SLC23A2: variants seen among roughly 807,000 people sequenced by gnomAD.
The protein encoded by SLC23A2 is solute carrier family 23 member 2.
SLC23A2 carries 36 observed loss-of-function variants against 73.3 expected under a neutral mutation model. The observed-to-expected ratio is 0.49, with a 90% confidence interval of 0.38 to 0.65. The LOEUF is 0.65. Ranked by LOEUF, SLC23A2 falls within the 30% of genes least tolerant of loss-of-function variation. The probability of loss-of-function intolerance (pLI) is 0.00; values close to 1 mark genes in which losing one functional copy is unlikely to be tolerated. For missense variants in SLC23A2, 507 were observed against 841.6 expected (o/e 0.60, Z 4.92); for synonymous variants, 343 against 327.3 (o/e 1.05, Z -0.52).
intron 6 of SLC23A2, among the ~76,000 whole-genome samples, chr20:4,897,302 T>G (rs1316996904): frequency 6.6e-6 from 1 of 152,166 alleles, no homozygotes; most frequent in Non-Finnish European, 1.5e-5. Context: ...CAGCACACAG[T>G]TGCTGACGTG....
At chr20:4,996,361 C>T (rs2088020162) in intron 1 of SLC23A2, among the ~76,000 whole-genome samples, 1 of 152,064 alleles carries the variant, frequency 6.6e-6, no homozygotes. Flanking sequence ...CCCGAGCCAT[C>T]AGCTGCTTTG....
In SLC23A2 at chr20:4,997,824, C is replaced by T. The variant is rs1331891821; in HGVS notation, c.-282+3582G>A. On this transcript the variant is annotated intron_variant, in intron 1 of 16. Transcript: ENST00000338244. ...TTTATTTTATTTTATTTTGTAGAGA[C>T]AGAGTCTTATTATGTTGCCTAGACT... Among the ~76,000 whole-genome samples the T allele has an allele frequency of 2.7e-5, 4 of 146,836 alleles. No homozygotes were observed. In the East Asian group the frequency reaches 8.0e-4, roughly 29 times the overall value.
At chr20:5,000,465 G>A (rs916941277) in intron 1 of SLC23A2, among the ~76,000 whole-genome samples, 3 of 152,054 alleles carry the variant, frequency 2.0e-5, no homozygotes, top group Admixed American at 6.6e-5. Context: ...GGCCTTCTCT[G>A]CGCGCAGATG....
chr20:4,867,896 G>A, intron 12 of SLC23A2, 21 bp from the exon 13 acceptor site: 3 of 1,378,424 alleles, frequency 2.2e-6, no homozygotes, highest in Non-Finnish European at 3.1e-6. Context: ...AAGGAATGGA[G>A]GAAAGAAAAT....
chr20:4,926,849 C>A (rs913233961), intron 3 of SLC23A2, among the ~76,000 whole-genome samples: 1 of 152,048 alleles, frequency 6.6e-6, no homozygotes, highest in African/African-American at 2.4e-5. Flanking sequence ...TCATCCAACA[C>A]AGGATGCCTA....
chr20:4,899,823 A>G lies in SLC23A2; in HGVS notation c.325-111T>C. On this transcript the variant is annotated intron_variant, in intron 5 of 16. Coordinates refer to ENST00000338244, the MANE Select transcript of SLC23A2 (RefSeq NM_005116.6). The surrounding 1 kb of genome is among the most constrained non-coding windows in gnomAD (Gnocchi z 4.9). ...TCGTTAAAAAATAGCCCACATAAAG[A>G]ATCTCCTTGGTTTTTCGACCAAGCC... 10 of 1,115,590 alleles carry G rather than the reference A, an allele frequency of 9.0e-6. No individual in the cohort carries two copies. Among genetic ancestry groups the G allele is most frequent in the Non-Finnish European group, 1.3e-5 (10 of 778,220 alleles). The allele number at this position is 1,115,590 out of a possible 1,614,324, so 69.1% of individuals were successfully genotyped here.
intron 2 of SLC23A2, among the ~76,000 whole-genome samples, chr20:4,955,464 T>C (rs7260796): frequency 0.044 from 6,613 of 151,490 alleles, 447 homozygotes; most frequent in African/African-American, 0.15. Flanking sequence ...TTCCCATACA[T>C]GAGCACTAAC....
intron 1 of SLC23A2, among the ~76,000 whole-genome samples, chr20:4,972,218 T>C (rs1039126820): frequency 3.3e-5 from 5 of 152,324 alleles, no homozygotes; most frequent in Admixed American, 3.3e-4. Context: ...AAAATCCTTA[T>C]GTTGAGACAT....
At chr20:4,910,118 A>G (rs2086703728) in intron 4 of SLC23A2, among the ~76,000 whole-genome samples, 1 of 151,930 alleles carries the variant, frequency 6.6e-6, no homozygotes, top group East Asian at 2.0e-4. Context: ...CACGCCTGTA[A>G]TCTGAGCACT....
chr20:4,988,297 C>T (rs1450667870), intron 1 of SLC23A2, among the ~76,000 whole-genome samples: 1 of 151,916 alleles, frequency 6.6e-6, no homozygotes, highest in Admixed American at 6.6e-5. Context: ...AGCAAAACTC[C>T]ACCTCAAAAA....
chr20:4,922,610 T>C (rs1932532796), intron 3 of SLC23A2, among the ~76,000 whole-genome samples: 1 of 152,022 alleles, frequency 6.6e-6, no homozygotes, highest in Admixed American at 6.6e-5. Flanking sequence ...GAGGATCACT[T>C]GAGGTCAGAA....
chr20:4,928,798 C>T (rs1457292268), intron 3 of SLC23A2, among the ~76,000 whole-genome samples: 1 of 152,172 alleles, frequency 6.6e-6, no homozygotes, highest in Non-Finnish European at 1.5e-5. Flanking sequence ...TCCACATTCC[C>T]AGCTCCCATG....
intron 2 of SLC23A2, among the ~76,000 whole-genome samples, chr20:4,955,705 G>A (rs2087276626): frequency 6.6e-6 from 1 of 152,082 alleles, no homozygotes; most frequent in Non-Finnish European, 1.5e-5. Context: ...TGGGAGGATC[G>A]CTTGAGCGTG....
rs866640765 is a variant in SLC23A2, at chr20:4,868,608, A to G, written c.1251-733T>C. Among the ~76,000 whole-genome samples, 5 of 152,244 alleles carry G rather than the reference A, an allele frequency of 3.3e-5. No individual in the cohort carries two copies. Among genetic ancestry groups the G allele is most frequent in the Non-Finnish European group, 7.3e-5 (5 of 68,042 alleles). On this transcript the variant is annotated intron_variant, in intron 12 of 16. Transcript: ENST00000338244. This position sits in a 1 kb window ranked among gnomAD's most constrained non-coding sequence, Gnocchi z 4.4. ...AGTTTCATCAGGAAGGAAATGTTTT[A>G]TAATTTCATAAGTACTGACACTTTT... is the stretch of plus-strand genomic sequence containing the variant.
At chr20:4,864,129 C>G (rs1416964679) in intron 13 of SLC23A2, among the ~76,000 whole-genome samples, 1 of 152,204 alleles carries the variant, frequency 6.6e-6, no homozygotes, top group Non-Finnish European at 1.5e-5. Context: ...AGGATGTAAA[C>G]TGGGTAAAGG....
At chr20:4,973,568 G>A (rs1039728204) in intron 1 of SLC23A2, among the ~76,000 whole-genome samples, 2 of 152,202 alleles carry the variant, frequency 1.3e-5, no homozygotes, top group Non-Finnish European at 2.9e-5. Flanking sequence ...AGGAATCTCT[G>A]AGGAAGGAGT....
intron 6 of SLC23A2, among the ~76,000 whole-genome samples, chr20:4,896,608 C>T (rs1009697428): frequency 6.6e-6 from 1 of 152,140 alleles, no homozygotes; most frequent in Admixed American, 6.5e-5. Context: ...CAGGAAGGGA[C>T]CCCCAGGACG....
intron 3 of SLC23A2, among the ~76,000 whole-genome samples, chr20:4,926,788 A>G (rs980270639): frequency 2.6e-5 from 4 of 151,948 alleles, no homozygotes; most frequent in Non-Finnish European, 4.4e-5. Context: ...TTCTTTGTAA[A>G]ATGTTTGTGT....
At chr20:4,894,624 A>G (rs1042810922) in intron 6 of SLC23A2, among the ~76,000 whole-genome samples, 7 of 152,170 alleles carry the variant, frequency 4.6e-5, no homozygotes, top group African/African-American at 1.7e-4. Flanking sequence ...TGACCTGGGT[A>G]GTTCTATTTA....
Sources: allele counts gnomAD v4.1 joint callset (sites outside exome capture counted in the v4.1 genomes callset), GRCh38; gene constraint gnomAD v4.1.1; non-coding constraint Gnocchi (gnomAD v3.1); transcripts MANE v1.5; gene names NCBI Gene and HGNC (gene_info 2026-07-23, HGNC 2026-07-21).